PRKAR2A: variants seen among roughly 807,000 people sequenced by gnomAD.
PRKAR2A encodes cAMP-dependent protein kinase type II-alpha regulatory subunit.
In PRKAR2A, 29 loss-of-function variants were observed where a neutral mutation model predicts 51.9. That is an observed-to-expected ratio of 0.56 (90% CI 0.42 to 0.76). The LOEUF is 0.76. Among genes scored for constraint, PRKAR2A ranks in the 30% least tolerant of loss-of-function variants. The pLI, the probability that PRKAR2A is intolerant of heterozygous loss-of-function variation, is 0.00. For missense variants in PRKAR2A, 445 were observed against 512.1 expected (o/e 0.87, Z 1.26); for synonymous variants, 178 against 186.2 (o/e 0.96, Z 0.36).
In PRKAR2A at chr3:48,793,880, T is replaced by C. The variant is rs1053850510; in HGVS notation, c.351+117A>G. The C allele has an allele frequency of 9.2e-6, 8 of 872,632 alleles. No homozygotes were observed. In the African/African-American group the frequency reaches 1.4e-4, roughly 15 times the overall value. 54.1% of individuals were successfully genotyped at this position (872,632 alleles called of 1,614,324 possible). A position where few individuals can be genotyped will look rare whatever the true frequency, so the allele number is the denominator to read the frequency against. On this transcript the variant is annotated intron_variant, in intron 3 of 10. Transcript: ENST00000265563. ...CAATTTGTTAGATTAAAAATGTCAC[T>C]TCAGTGATATTTTAATTTGTATTTA...
chr3:48,824,829 C>T (rs1351065930), intron 1 of PRKAR2A, among the ~76,000 whole-genome samples: 20 of 151,112 alleles, frequency 1.3e-4, no homozygotes, highest in Non-Finnish European at 4.4e-5. Flanking sequence ...ACCTGTAATC[C>T]CAGGTACTCA....
chr3:48,772,826 T>G (rs918099682), intron 6 of PRKAR2A, 129 bp downstream of exon 6: 30 of 972,838 alleles, frequency 3.1e-5, no homozygotes, highest in Non-Finnish European at 4.1e-5. Context: ...TATTTTTTAG[T>G]AGAGATGGGG....
chr3:48,766,465 C>G (rs2081944449), intron 6 of PRKAR2A, among the ~76,000 whole-genome samples: 3 of 151,830 alleles, frequency 2.0e-5, no homozygotes, highest in African/African-American at 4.8e-5. Context: ...AGTTGGGAGG[C>G]TGAGGCTGGA....
At chr3:48,753,473 G>A (rs183790769) in intron 9 of PRKAR2A, among the ~76,000 whole-genome samples, 1 of 152,128 alleles carries the variant, frequency 6.6e-6, no homozygotes, top group East Asian at 1.9e-4. Context: ...TAGCTTACAC[G>A]GTTTGACCCT....
At chr3:48,813,434 G>A (rs924999269) in intron 1 of PRKAR2A, among the ~76,000 whole-genome samples, 58 of 151,952 alleles carry the variant, frequency 3.8e-4, no homozygotes, top group African/African-American at 1.3e-3. Flanking sequence ...GGTGGCTCAC[G>A]CCTGTAATCC....
chr3:48,795,740 T>C (rs955499490), intron 2 of PRKAR2A, among the ~76,000 whole-genome samples: 27 of 152,150 alleles, frequency 1.8e-4, no homozygotes, highest in Admixed American at 2.0e-4. Flanking sequence ...TTTCACCATG[T>C]TGGCCAGGAT....
Position 48,756,411 on chromosome 3 carries a change from A to C in PRKAR2A, c.907T>G (p.Ser303Ala). 1 of 1,614,006 alleles carries C rather than the reference A, an allele frequency of 6.2e-7. No individual in the cohort carries two copies. The highest frequency in any genetic ancestry group is 8.5e-7 in the Non-Finnish European group (1 of 1,179,982). ...CTAATCAAGATGCTCACTTCGCCAGACTCTATGATGTAAAAGCTATCAGCC... is the reference window on the plus strand; with the variant it reads ...CTAATCAAGATGCTCACTTCGCCAGCCTCTATGATGTAAAAGCTATCAGCC... ...EKADSFYIIE[S>A]GEVSILIRSR... The change falls in exon 9 of 11, where the codon TCT (serine) becomes GCT (alanine). Residue 303 changes from serine to alanine, a missense_variant. Ser to Ala is a moderately conservative substitution (Grantham distance 99). Transcript: ENST00000265563.
intron 1 of PRKAR2A, among the ~76,000 whole-genome samples, chr3:48,845,248 T>A (rs567050570): frequency 6.2e-4 from 95 of 152,266 alleles, no homozygotes; most frequent in Admixed American, 1.4e-3. Context: ...TGTGGCAGAG[T>A]TTAGAAAATA....
Position 48,807,632 on chromosome 3 carries a change from T to C in PRKAR2A, c.298+17A>G. 1 of 1,554,436 alleles carries C rather than the reference T, an allele frequency of 6.4e-7. No homozygotes were observed. Among genetic ancestry groups the C allele is most frequent in the Non-Finnish European group, 8.8e-7 (1 of 1,131,674 alleles). ...AAAATAACATTTTAGAAGTATGTTA[T>C]GAAATAGAACACATACCTGATACTC... is the stretch of plus-strand genomic sequence containing the variant. On this transcript the variant is annotated intron_variant, in intron 2 of 10. Transcript: ENST00000265563.
chr3:48,839,806 G>A (rs2083347399), intron 1 of PRKAR2A, among the ~76,000 whole-genome samples: 2 of 151,934 alleles, frequency 1.3e-5, no homozygotes, highest in South Asian at 4.1e-4. Context: ...AATTTAAGTA[G>A]TGTAGACTTA....
chr3:48,819,525 A>G (rs1201909314), intron 1 of PRKAR2A, among the ~76,000 whole-genome samples: 1 of 152,246 alleles, frequency 6.6e-6, no homozygotes, highest in African/African-American at 2.4e-5. Context: ...TAAATTTGAC[A>G]ACTGAGGAAA....
intron 4 of PRKAR2A, among the ~76,000 whole-genome samples, chr3:48,789,767 C>G (rs998967756): frequency 1.3e-5 from 2 of 152,016 alleles, no homozygotes; most frequent in East Asian, 1.9e-4. Context: ...GCCACCGCAC[C>G]CAGCCAGAAG....
intron 2 of PRKAR2A, among the ~76,000 whole-genome samples, chr3:48,799,882 CAG>C (rs554286644): frequency 1.0e-3 from 155 of 152,186 alleles, no homozygotes; most frequent in Non-Finnish European, 2.0e-3. Flanking sequence ...TTTTTTGAGA[CAG>C]AGTCTCACTC....
chr3:48,811,230 G>A (rs763196743), intron 1 of PRKAR2A, among the ~76,000 whole-genome samples: 28 of 150,810 alleles, frequency 1.9e-4, no homozygotes, highest in Non-Finnish European at 3.2e-4. Context: ...GCTCATGTCT[G>A]TAATCCCAGT....
rs996765423 is a variant in PRKAR2A at position 48,847,688 on chromosome 3, A to G, written c.-92T>C. On this transcript the variant is annotated 5_prime_UTR_variant, in exon 1 of 11. Transcript: ENST00000265563. The surrounding 1 kb of genome is among the most constrained non-coding windows in gnomAD (Gnocchi z 4.4). ...GCCGGCCTTTCGCTCCGCGCCCGCG[A>G]GGTCTCTTCGCGCACGGCCCCGGCT... 1 of 1,284,498 alleles carries G rather than the reference A, an allele frequency of 7.8e-7. No homozygotes were observed. The highest frequency in any genetic ancestry group is 1.0e-6 in the Non-Finnish European group (1 of 990,426). The allele number at this position is 1,284,498 out of a possible 1,614,324, so 79.6% of individuals were successfully genotyped here.
intron 1 of PRKAR2A, among the ~76,000 whole-genome samples, chr3:48,811,153 C>T (rs973152054): frequency 6.6e-6 from 1 of 151,268 alleles, no homozygotes; most frequent in Non-Finnish European, 1.5e-5. Context: ...CTTCAGCCTG[C>T]GCAACAGAGG....
At chr3:48,829,872 T>TATATATATA (rs1491401730) in intron 1 of PRKAR2A, among the ~76,000 whole-genome samples, 1,188 of 59,438 alleles carry the variant, frequency 0.02, 11 homozygotes, top group African/African-American at 0.031. Context: ...TATATATATA[T>TATATATATA]TTTTTTTTTT....
chr3:48,808,746 A>G (rs2082722462), intron 1 of PRKAR2A, among the ~76,000 whole-genome samples: 1 of 103,626 alleles, frequency 9.7e-6, no homozygotes, highest in African/African-American at 4.0e-5. Flanking sequence ...TGAACTCCTG[A>G]CCTCAAGTGA....
rs981660470 is a variant in PRKAR2A at position 48,750,485 on chromosome 3, G to A, written c.*1100C>T. 1 of 152,216 alleles carries A rather than the reference G, an allele frequency of 6.6e-6. No individual in the cohort carries two copies. The highest frequency in any genetic ancestry group is 2.4e-5 in the African/African-American group (1 of 41,434). 9.4% of individuals were successfully genotyped at this position (152,216 alleles called of 1,614,324 possible). On this transcript the variant is annotated 3_prime_UTR_variant, in exon 11 of 11. Coordinates refer to ENST00000265563, the MANE Select transcript of PRKAR2A (RefSeq NM_004157.4). ...CAAAGCACTACAATTATAGGCATGAGCCATTGAGCCTGGCCTGAGAATTTT... is the reference window on the plus strand; with the variant it reads ...CAAAGCACTACAATTATAGGCATGAACCATTGAGCCTGGCCTGAGAATTTT...
Sources: gnomAD v4.1 joint callset for allele counts (sites outside exome capture counted in the v4.1 genomes callset) on GRCh38, gnomAD v4.1.1 for gene constraint, Gnocchi (gnomAD v3.1) non-coding constraint, MANE v1.5 for transcripts, NCBI Gene and HGNC (gene_info 2026-07-23, HGNC 2026-07-21) for gene names.